The following PRRC2C variants were observed in gnomAD, a reference collection of about 807,000 sequenced individuals.
The protein encoded by PRRC2C is protein PRRC2C.
In PRRC2C, 72 loss-of-function variants were observed where a neutral mutation model predicts 317.2. The ratio of observed to expected loss-of-function variants is 0.23; its 90% confidence interval spans 0.19 to 0.28. The LOEUF (loss-of-function observed/expected upper bound fraction) is 0.28. PRRC2C is among the 10% of genes least tolerant of loss of function. The pLI is 1.00. For synonymous variants in PRRC2C, 1,296 were observed against 1,205.9 expected, an observed-to-expected ratio of 1.07 and a Z score of -1.55; for missense variants, 3,074 against 3,459.7, an observed-to-expected ratio of 0.89 and a Z score of 2.80.
intron 10 of PRRC2C, among the ~76,000 whole-genome samples, chr1:171,527,289 C>A (rs534610951): frequency 6.6e-6 from 1 of 150,480 alleles, no homozygotes; most frequent in Non-Finnish European, 1.5e-5. Flanking sequence ...CCCGCCACCA[C>A]GCCTGGCTAA....
intron 16 of PRRC2C, among the ~76,000 whole-genome samples, chr1:171,542,512 G>T (rs140650233): frequency 1.3e-5 from 2 of 152,266 alleles, no homozygotes; most frequent in African/African-American, 4.8e-5. Flanking sequence ...CATGTACTGT[G>T]TCCTTATTTG....
intron 16 of PRRC2C, among the ~76,000 whole-genome samples, chr1:171,542,544 C>G (rs1179375750): frequency 6.6e-6 from 1 of 151,830 alleles, no homozygotes. Context: ...GATGAGTAGC[C>G]CTCCCTTCTT....
chr1:171,566,927 T>C (rs1683766498), intron 22 of PRRC2C, 84 bp downstream of exon 22: 1 of 1,433,588 alleles, frequency 7.0e-7, no homozygotes. Flanking sequence ...GTCTGCTTTT[T>C]TTTTTCCTGC....
intron 1 of PRRC2C, among the ~76,000 whole-genome samples, chr1:171,508,778 C>G (rs1020455971): frequency 3.3e-5 from 5 of 152,190 alleles, no homozygotes; most frequent in African/African-American, 1.2e-4. Context: ...CTGTTCAAAG[C>G]TTTACTCTTT....
rs1474254705 is a variant in PRRC2C, at chr1:171,541,431, A to T, written c.3965A>T (p.Lys1322Met). The stretch of plus-strand genomic sequence containing the variant: ...CGAATAGATAATAGACTGCTAGAAA[A>T]GCCTTATGTAAGGGATGACGATAAA... ...HVRIDNRLLE[K>M]PYVRDDDKAK... Residue 1322 changes from lysine (K) to methionine (M), a missense_variant, in exon 16 of 35, where the codon AAG becomes ATG. Lys to Met is a moderately conservative substitution (Grantham distance 95). Coordinates refer to ENST00000647382, the MANE Select transcript of PRRC2C (RefSeq NM_001387844.1). This position sits in a 1 kb window ranked among gnomAD's most constrained non-coding sequence, Gnocchi z 4.1. 6.2e-7 allele frequency: 1 copy of T among 1,613,810 alleles called. No individual in the cohort carries two copies. The highest frequency in any genetic ancestry group is 1.1e-5 in the South Asian group (1 of 91,086).
Position 171,532,919 on chromosome 1 carries a change from C to T in PRRC2C, c.1831C>T (p.Pro611Ser). ...TGAACCCAGAGAACCTAATTTAGAG[C>T]CCATGGTAGAAAAACAAGAAAGTGA... ...KIEPREPNLEPMVEKQESENS... is the reference protein window; with the variant it reads ...KIEPREPNLESMVEKQESENS... The change falls in exon 12 of 35, where the codon CCC becomes TCC. Residue 611 changes from proline to serine, a missense_variant. Around this residue, in one of 11 missense-constraint regions of PRRC2C, gnomAD observed 1,320 missense variants for 1,395.7 expected, o/e 0.95. Coordinates refer to ENST00000647382, the MANE Select transcript of PRRC2C (RefSeq NM_001387844.1). 1.3e-6 allele frequency: 2 copies of T among 1,566,044 alleles called. No homozygotes were observed. Among genetic ancestry groups the T allele is most frequent in the East Asian group, 2.3e-5 (1 of 44,326 alleles).
intron 16 of PRRC2C, among the ~76,000 whole-genome samples, chr1:171,542,821 C>T (rs931549435): frequency 6.6e-6 from 1 of 151,842 alleles, no homozygotes; most frequent in Non-Finnish European, 1.5e-5. Context: ...AGTGCAGTGG[C>T]GTGATCTCGG....
At chr1:171,591,531 T>C in intron 34 of PRRC2C, 56 bp from the exon 35 acceptor site, 1 of 1,574,972 alleles carries the variant, frequency 6.3e-7, no homozygotes, top group Non-Finnish European at 8.6e-7. Flanking sequence ...CAAGATTGAT[T>C]TGACAGGCTT....
intron 19 of PRRC2C, among the ~76,000 whole-genome samples, 156 bp downstream of exon 19, chr1:171,558,299 T>C (rs2102647732): frequency 6.6e-6 from 1 of 152,348 alleles, no homozygotes; most frequent in Admixed American, 6.5e-5. Flanking sequence ...CTTAAAATTT[T>C]TGTTTTAAGC....
intron 28 of PRRC2C, among the ~76,000 whole-genome samples, chr1:171,580,242 G>A (rs1275904966): frequency 6.6e-6 from 1 of 152,160 alleles, no homozygotes; most frequent in Non-Finnish European, 1.5e-5. Flanking sequence ...AGCTGCTAAA[G>A]AACCTAAAAG....
chr1:171,499,990 C>T (rs1056932956), intron 1 of PRRC2C, among the ~76,000 whole-genome samples: 8 of 152,134 alleles, frequency 5.3e-5, no homozygotes, highest in Non-Finnish European at 7.4e-5. Context: ...TACAAATGTT[C>T]TGTAAAACAC....
chr1:171,567,247 A>G (rs1683838164), intron 22 of PRRC2C, among the ~76,000 whole-genome samples: 1 of 152,092 alleles, frequency 6.6e-6, no homozygotes, highest in South Asian at 2.1e-4. Flanking sequence ...GTTTTTTTTC[A>G]TAGTTGGAAC....
chr1:171,507,564 T>C (rs1049474756), intron 1 of PRRC2C, among the ~76,000 whole-genome samples: 11 of 152,286 alleles, frequency 7.2e-5, no homozygotes, highest in African/African-American at 2.6e-4. Context: ...TGAGCTGAGA[T>C]TGCATTACTG....
chr1:171,521,574 CTG>C (rs1182006459), intron 6 of PRRC2C, among the ~76,000 whole-genome samples: 1 of 145,524 alleles, frequency 6.9e-6, no homozygotes, highest in Non-Finnish European at 1.5e-5. Flanking sequence ...GGATTGTGGA[CTG>C]TCTTTTAATT....
At chr1:171,586,729 T>C (rs1177137214) in intron 30 of PRRC2C, among the ~76,000 whole-genome samples, 1 of 151,450 alleles carries the variant, frequency 6.6e-6, no homozygotes, top group Non-Finnish European at 1.5e-5. Context: ...TACAGGCACA[T>C]GCCACCACAT....
At position 171,557,834 on chromosome 1, in the gene PRRC2C, C is replaced by T; in HGVS notation, c.5722C>T (p.Pro1908Ser). The stretch of plus-strand genomic sequence containing the variant: ...CCCAACTGCCTCAGTCCCACTTGCC[C>T]CTGCCTCAGCTTCAGCCCCAGCCCC... ...SAPTASVPLA[P>S]ASASAPAPAP... Residue 1908 changes from proline (P) to serine (S), a missense_variant, in exon 19 of 35, where the codon CCT (proline) becomes TCT (serine). This residue lies in a region of PRRC2C where 640 missense variants were observed against 676.1 expected (regional missense o/e 0.95). Transcript: ENST00000647382. The T allele has an allele frequency of 6.5e-7, 1 of 1,547,820 alleles. No individual in the cohort carries two copies. The highest frequency in any genetic ancestry group is 8.7e-7 in the Non-Finnish European group (1 of 1,144,670).
At position 171,540,709 on chromosome 1, in the gene PRRC2C, A is replaced by G. The variant is rs6701158; in HGVS notation, c.3243A>G (p.Pro1081=). The change falls in exon 16 of 35, where the codon CCA becomes CCG. Residue 1081 remains proline (P), a synonymous_variant. Transcript: ENST00000647382. ...TTCAGCCACAGTCAGTTCCACCACC[A>G]ATTCAACCAGAAGCAGAGAAATTTC... ...APIQPQSVPP[P]IQPEAEKFPS... is the part of the protein sequence containing the mutation. 9.1e-5 allele frequency: 147 copies of G among 1,613,998 alleles called. 1 individual carries two copies. In the African/African-American group the frequency reaches 1.8e-3, roughly 19 times the overall value.
rs567117549 is a variant in PRRC2C, at chr1:171,540,644, C to A, written c.3178C>A (p.Leu1060Ile). ...VKPEKTEKKDLPPPPPPPQPP... is the reference protein window; with the variant it reads ...VKPEKTEKKDIPPPPPPPQPP... The stretch of plus-strand genomic sequence containing the variant: ...GCCTGAAAAGACGGAAAAGAAGGAT[C>A]TTCCTCCTCCCCCACCACCACCTCA... The change falls in exon 16 of 35, where the codon CTT (leucine) becomes ATT (isoleucine). Residue 1060 changes from leucine to isoleucine, a missense_variant. Transcript: ENST00000647382. The A allele has an allele frequency of 2.5e-6, 4 of 1,613,966 alleles. No individual in the cohort carries two copies. The highest frequency in any genetic ancestry group is 3.4e-6 in the Non-Finnish European group (4 of 1,179,884).
intron 28 of PRRC2C, among the ~76,000 whole-genome samples, 192 bp downstream of exon 28, chr1:171,580,156 A>T (rs1423205813): frequency 2.6e-5 from 4 of 152,188 alleles, no homozygotes; most frequent in African/African-American, 7.2e-5. Flanking sequence ...ATATCTTATT[A>T]AAGAATGTCA....
Sources: allele counts gnomAD v4.1 joint callset (sites outside exome capture counted in the v4.1 genomes callset), GRCh38; gene constraint gnomAD v4.1.1; regional missense constraint gnomAD v4.1.1; non-coding constraint Gnocchi (gnomAD v3.1); transcripts MANE v1.5; gene names NCBI Gene and HGNC (gene_info 2026-07-23, HGNC 2026-07-21).